BMP2K: variants seen among roughly 807,000 people sequenced by gnomAD.
The protein encoded by BMP2K is BMP-2-inducible protein kinase.
In BMP2K, 74 loss-of-function variants were observed where a neutral mutation model predicts 116.0. That is an observed-to-expected ratio of 0.64 (90% confidence interval 0.53 to 0.77). The LOEUF is 0.77. Ranked by LOEUF, BMP2K falls within the 30% of genes least tolerant of loss-of-function variation. The pLI is 0.00. For synonymous variants in BMP2K, 486 were observed against 502.5 expected, an observed-to-expected ratio of 0.97 and a Z score of 0.44; for missense variants, 1,365 against 1,403.6, an observed-to-expected ratio of 0.97 and a Z score of 0.44.
intron 2 of BMP2K, 21 bp from the exon 3 acceptor site, chr4:78,833,561 C>A: frequency 7.1e-7 from 1 of 1,407,742 alleles, no homozygotes; most frequent in East Asian, 2.3e-5. Context: ...TTCCAGTTTT[C>A]ATTTTTTTTT....
intron 1 of BMP2K, among the ~76,000 whole-genome samples, chr4:78,803,116 C>T (rs1212853666): frequency 1.3e-5 from 2 of 152,094 alleles, no homozygotes; most frequent in Non-Finnish European, 2.9e-5. Context: ...TCCCAAAGTG[C>T]TGGGATTGCA....
chr4:78,793,161 C>G (rs1468436200), intron 1 of BMP2K, among the ~76,000 whole-genome samples: 9 of 152,028 alleles, frequency 5.9e-5, no homozygotes, highest in African/African-American at 1.9e-4. Flanking sequence ...CCTGTAATCC[C>G]AGCACTTTGG....
chr4:78,811,974 T>G (rs1322050413), intron 1 of BMP2K, among the ~76,000 whole-genome samples: 1 of 152,110 alleles, frequency 6.6e-6, no homozygotes, highest in Non-Finnish European at 1.5e-5. Context: ...TTAAAAAGTT[T>G]TTTTTTTGTT....
intron 5 of BMP2K, 28 bp from the exon 6 acceptor site, chr4:78,847,160 C>T (rs773380415): frequency 3.5e-5 from 44 of 1,249,606 alleles, no homozygotes; most frequent in East Asian, 5.1e-5. Flanking sequence ...ATATATATCT[C>T]CACTCCATTT....
At chr4:78,877,449 C>G (rs1206789855) in intron 13 of BMP2K, among the ~76,000 whole-genome samples, 1 of 152,018 alleles carries the variant, frequency 6.6e-6, no homozygotes, top group Non-Finnish European at 1.5e-5. Flanking sequence ...CACAAACACA[C>G]ACATCAGCCC....
chr4:78,875,653 C>T (rs1732595255), intron 13 of BMP2K, among the ~76,000 whole-genome samples: 1 of 151,984 alleles, frequency 6.6e-6, no homozygotes, highest in Non-Finnish European at 1.5e-5. Context: ...GGTGGCTTAA[C>T]AGGGTGGTTG....
chr4:78,900,236 A>G (rs890459613), intron 15 of BMP2K, among the ~76,000 whole-genome samples: 3 of 152,234 alleles, frequency 2.0e-5, no homozygotes, highest in African/African-American at 4.8e-5. Flanking sequence ...AATACAGTGT[A>G]TAATATAACA....
chr4:78,900,404 T>C (rs1362261815), intron 15 of BMP2K, among the ~76,000 whole-genome samples: 1 of 152,138 alleles, frequency 6.6e-6, no homozygotes, highest in African/African-American at 2.4e-5. Flanking sequence ...AAGGCTCAAC[T>C]GTATATAGAA....
At chr4:78,792,916 C>T (rs1384012942) in intron 1 of BMP2K, among the ~76,000 whole-genome samples, 1 of 152,148 alleles carries the variant, frequency 6.6e-6, no homozygotes, top group Non-Finnish European at 1.5e-5. Context: ...TCACCTTTTC[C>T]TCTACTTACC....
At position 78,776,707 on chromosome 4, in the gene BMP2K, A is replaced by T; in HGVS notation, c.164A>T (p.Glu55Val). The change falls in exon 1 of 16, where the codon GAG (glutamate) becomes GTG (valine). Residue 55 changes from glutamate to valine, a missense_variant. By Grantham distance (121) the Glu-to-Val change is moderately radical. Around this residue, in one of 3 missense-constraint regions of BMP2K, gnomAD observed 762 missense variants for 756.7 expected, o/e 1.01. Coordinates refer to ENST00000502613, the MANE Select transcript of BMP2K (RefSeq NM_198892.2). ...GGCCGCCACCAGGTCACCCTGGAAG[A>T]GTCGCTGGCCGAAGGTACGGGCGCC... ...AVGRHQVTLE[E>V]SLAEGGFSTV... 7.9e-7 allele frequency: 1 copy of T among 1,265,812 alleles called. No homozygotes were observed. Among genetic ancestry groups the T allele is most frequent in the Non-Finnish European group, 1.0e-6 (1 of 1,001,722 alleles). The allele number at this position is 1,265,812 out of a possible 1,614,324, so 78.4% of individuals were successfully genotyped here.
At chr4:78,817,541 T>C (rs1729410226) in intron 1 of BMP2K, among the ~76,000 whole-genome samples, 1 of 152,140 alleles carries the variant, frequency 6.6e-6, no homozygotes, top group African/African-American at 2.4e-5. Context: ...TGCAGAAGTT[T>C]TTATCCCCAT....
chr4:78,845,798 T>C (rs760643701), intron 5 of BMP2K, among the ~76,000 whole-genome samples: 1 of 151,718 alleles, frequency 6.6e-6, no homozygotes, highest in Non-Finnish European at 1.5e-5. Flanking sequence ...CCTAATACTA[T>C]GTCAGAGCCA....
rs554714421 is a variant in BMP2K at position 78,828,854 on chromosome 4, G to C, written c.297+2699G>C. Among the ~76,000 whole-genome samples the C allele has an allele frequency of 4.6e-5, 7 of 152,336 alleles. No individual in the cohort carries two copies. The South Asian group carries it at 1.4e-3, about 32-fold the overall frequency. On this transcript the variant is annotated intron_variant, in intron 2 of 15. Coordinates refer to ENST00000502613, the MANE Select transcript of BMP2K (RefSeq NM_198892.2). ...TGTTGCTGGTAGAGGGTCTTGCTTT[G>C]ATGTTGAAGGCTGCTGACTGATCAG...
At chr4:78,869,808 A>G (rs11733350) in intron 10 of BMP2K, among the ~76,000 whole-genome samples, 7,212 of 152,270 alleles carry the variant, frequency 0.047, 255 homozygotes, top group Non-Finnish European at 0.077. Context: ...TTTTATAAGT[A>G]TTTTCAAGGA....
In BMP2K at chr4:78,827,705, T is replaced by TA. The variant is rs897175631; in HGVS notation, c.297+1557dup. Among the ~76,000 whole-genome samples, 16 of 152,128 alleles carry TA rather than the reference T, an allele frequency of 1.1e-4. No homozygotes were observed. In the East Asian group the frequency reaches 1.9e-3, roughly 18 times the overall value. On this transcript the variant is annotated intron_variant, in intron 2 of 15. Coordinates refer to ENST00000502613, the MANE Select transcript of BMP2K (RefSeq NM_198892.2). ...CCATTGATTACTGCCTGTGAGTCAGTAAAAAAACCTCAAACACAGGGGCTT... is the reference window on the plus strand; with the variant it reads ...CCATTGATTACTGCCTGTGAGTCAGTAAAAAAAACCTCAAACACAGGGGCTT...
intron 14 of BMP2K, 56 bp downstream of exon 14, chr4:78,878,947 T>C (rs374726656): frequency 3.8e-6 from 6 of 1,568,792 alleles, no homozygotes; most frequent in Non-Finnish European, 5.2e-6. Context: ...GCTCTATTAT[T>C]ATTCAGCAAG....
At chr4:78,907,922 C>G (rs1340502367) in intron 15 of BMP2K, among the ~76,000 whole-genome samples, 1 of 152,132 alleles carries the variant, frequency 6.6e-6, no homozygotes, top group Non-Finnish European at 1.5e-5. Flanking sequence ...GTTTCACAGT[C>G]AGGGATGATG....
rs1333128773 is a variant in BMP2K at position 78,912,910 on chromosome 4, T to G, written c.*877T>G. 1 of 152,172 alleles carries G rather than the reference T, an allele frequency of 6.6e-6. No individual in the cohort carries two copies. Among genetic ancestry groups the G allele is most frequent in the Non-Finnish European group, 1.5e-5 (1 of 68,022 alleles). 9.4% of individuals were successfully genotyped at this position (152,172 alleles called of 1,614,324 possible). Reference sequence around the variant, plus strand: ...ACTTTAGAAACACTTTATGCATGGCTTCTTGCCCCAAACTTTTATTGTGAT... The same window carrying G: ...ACTTTAGAAACACTTTATGCATGGCGTCTTGCCCCAAACTTTTATTGTGAT... On this transcript the variant is annotated 3_prime_UTR_variant, in exon 16 of 16. Transcript: ENST00000502613.
At chr4:78,866,577 A>G (rs1276121536) in intron 10 of BMP2K, among the ~76,000 whole-genome samples, 1 of 152,184 alleles carries the variant, frequency 6.6e-6, no homozygotes, top group Non-Finnish European at 1.5e-5. Flanking sequence ...TGCCTTTGAT[A>G]AATGTTAACT....
Sources: allele counts gnomAD v4.1 joint callset (sites outside exome capture counted in the v4.1 genomes callset), GRCh38; gene constraint gnomAD v4.1.1; regional missense constraint gnomAD v4.1.1; transcripts MANE v1.5; gene names NCBI Gene and HGNC (gene_info 2026-07-23, HGNC 2026-07-21).